Variants in PHACTR4 observed in about 807,000 individuals in gnomAD.
PHACTR4 encodes the protein phosphatase and actin regulator 4.
Under a neutral mutation model 72.7 loss-of-function variants are expected in PHACTR4, and 51 were observed. The observed-to-expected ratio is 0.70, with a 90% CI of 0.56 to 0.89. PHACTR4 has a LOEUF of 0.89. Among genes scored for constraint, PHACTR4 ranks in the 40% least tolerant of loss-of-function variants. The pLI is 0.00. For synonymous variants in PHACTR4, 255 were observed against 302.5 expected, an observed-to-expected ratio of 0.84 and a Z score of 1.63; for missense variants, 731 against 861.8, an observed-to-expected ratio of 0.85 and a Z score of 1.90.
intron 13 of PHACTR4, among the ~76,000 whole-genome samples, chr1:28,496,314 C>T (rs952143383): frequency 2.6e-5 from 4 of 151,842 alleles, no homozygotes; most frequent in African/African-American, 4.8e-5. Flanking sequence ...CCTCGGCCTC[C>T]CAAAGTGCTG....
At chr1:28,428,430 C>T (rs1344215288) in intron 2 of PHACTR4, among the ~76,000 whole-genome samples, 1 of 152,198 alleles carries the variant, frequency 6.6e-6, no homozygotes, top group Non-Finnish European at 1.5e-5. Context: ...GGGATATCCT[C>T]AAGAGCTTAT....
Position 28,489,916 on chromosome 1 carries a change from AG to A in PHACTR4, c.1816+692del, listed in dbSNP as rs779158036. On this transcript the variant is annotated intron_variant, in intron 10 of 13. Transcript: ENST00000373839. The stretch of plus-strand genomic sequence containing the variant: ...TTGGGTATACACAACTTAATAACTT[AG>A]TACATTTTCTAGTGTGGGAGCCCTT... 9 of 518,514 alleles carry A rather than the reference AG, an allele frequency of 1.7e-5. 1 individual carries two copies. Among genetic ancestry groups the A allele is most frequent in the South Asian group, 1.3e-4 (9 of 71,492 alleles). The allele number at this position is 518,514 out of a possible 1,614,324, so 32.1% of individuals were successfully genotyped here. A position where few individuals can be genotyped will look rare whatever the true frequency, so the allele number is the denominator to read the frequency against.
intron 1 of PHACTR4, among the ~76,000 whole-genome samples, chr1:28,406,578 C>T (rs1250555279): frequency 2.6e-5 from 4 of 152,172 alleles, no homozygotes; most frequent in South Asian, 2.1e-4. Context: ...TGAGCCACTG[C>T]GCCCGGCCCT....
At chr1:28,479,130 G>T (rs943794226) in intron 8 of PHACTR4, among the ~76,000 whole-genome samples, 9 of 151,768 alleles carry the variant, frequency 5.9e-5, no homozygotes, top group Non-Finnish European at 1.3e-4. Context: ...GAAAAAATTA[G>T]CCAGGCATGG....
At chr1:28,408,627 C>T (rs1434238160) in intron 2 of PHACTR4, among the ~76,000 whole-genome samples, 19 of 150,186 alleles carry the variant, frequency 1.3e-4, no homozygotes, top group South Asian at 2.1e-4. Context: ...TATATATGTA[C>T]GTGTGTGTGT....
At chr1:28,374,259 A>G (rs1400249361) in intron 1 of PHACTR4, among the ~76,000 whole-genome samples, 1 of 152,224 alleles carries the variant, frequency 6.6e-6, no homozygotes, top group East Asian at 1.9e-4. Flanking sequence ...ACATAAATAC[A>G]ATAGCTTTGG....
At chr1:28,472,707 T>A (rs1224326314) in intron 6 of PHACTR4, among the ~76,000 whole-genome samples, 1 of 151,716 alleles carries the variant, frequency 6.6e-6, no homozygotes, top group East Asian at 1.9e-4. Flanking sequence ...GTTCAAGAGA[T>A]TCTCGTGCCT....
At chr1:28,452,439 T>C (rs369556702) in intron 2 of PHACTR4, among the ~76,000 whole-genome samples, 12 of 151,750 alleles carry the variant, frequency 7.9e-5, no homozygotes, top group East Asian at 5.8e-4. Flanking sequence ...CCACCAGGAG[T>C]TGGAGGCTGC....
chr1:28,461,775 C>T (rs1658822821), intron 4 of PHACTR4, among the ~76,000 whole-genome samples: 2 of 151,824 alleles, frequency 1.3e-5, no homozygotes, highest in South Asian at 4.1e-4. Flanking sequence ...AGCAGTCTTC[C>T]TGCCTCAGCC....
intron 1 of PHACTR4, among the ~76,000 whole-genome samples, chr1:28,401,624 G>C (rs148106871): frequency 6.6e-6 from 1 of 151,940 alleles, no homozygotes; most frequent in African/African-American, 2.4e-5. Flanking sequence ...GTTGTTAATA[G>C]AGGCAGGGTC....
chr1:28,466,900 A>G (rs1388098848), intron 6 of PHACTR4, 132 bp downstream of exon 6: 6 of 1,322,320 alleles, frequency 4.5e-6, no homozygotes, highest in Non-Finnish European at 6.2e-6. Flanking sequence ...AATGACCTCA[A>G]TATGGAGAAA....
intron 13 of PHACTR4, among the ~76,000 whole-genome samples, chr1:28,495,915 C>T (rs986350817): frequency 1.3e-5 from 2 of 151,944 alleles, no homozygotes; most frequent in Non-Finnish European, 2.9e-5. Flanking sequence ...GCCACCGTGA[C>T]TGGCCAAGGA....
intron 1 of PHACTR4, among the ~76,000 whole-genome samples, chr1:28,370,405 G>A (rs956900240): frequency 6.6e-6 from 1 of 151,404 alleles, no homozygotes; most frequent in Non-Finnish European, 1.5e-5. Flanking sequence ...GGAGAGATGA[G>A]ATTAAGGAAA....
rs1168806516 is a variant in PHACTR4, at chr1:28,499,729, G to T, written c.*3180G>T. ...GGGCTCAAGGAATCTGCCCATCTTC[G>T]CCTCCCAAAGTTCTGAGATAGCAGG... On this transcript the variant is annotated 3_prime_UTR_variant, in exon 14 of 14. Coordinates refer to ENST00000373839, the MANE Select transcript of PHACTR4 (RefSeq NM_001048183.3). 1 of 152,036 alleles carries T rather than the reference G, an allele frequency of 6.6e-6. No homozygotes were observed. The highest frequency in any genetic ancestry group is 1.5e-5 in the Non-Finnish European group (1 of 68,048). The allele number at this position is 152,036 out of a possible 1,614,324, so 9.4% of individuals were successfully genotyped here. A position where few individuals can be genotyped will look rare whatever the true frequency, so the allele number is the denominator to read the frequency against.
At chr1:28,392,911 C>T (rs1320099642) in intron 1 of PHACTR4, among the ~76,000 whole-genome samples, 2 of 151,998 alleles carry the variant, frequency 1.3e-5, no homozygotes, top group African/African-American at 4.8e-5. Flanking sequence ...TGTTGTACTC[C>T]ACATTGCAGA....
intron 2 of PHACTR4, among the ~76,000 whole-genome samples, chr1:28,440,413 T>TTTTTTTTTTTA (rs1656936536): frequency 7.8e-6 from 1 of 127,930 alleles, no homozygotes; most frequent in Non-Finnish European, 1.7e-5. Flanking sequence ...TTTTTTTTTT[T>TTTTTTTTTTTA]GAGACGGAGT....
Position 28,379,192 on chromosome 1 carries a change from C to T in PHACTR4, c.-39+9367C>T, listed in dbSNP as rs141552769. Reference sequence around the variant, plus strand: ...CTGGTCTTGAACTCCTAGGCTTAAGCGATCTTCCTGCCTGGGCCTCCCAAA... The same window carrying T: ...CTGGTCTTGAACTCCTAGGCTTAAGTGATCTTCCTGCCTGGGCCTCCCAAA... On this transcript the variant is annotated intron_variant, in intron 1 of 13. Coordinates refer to ENST00000373839, the MANE Select transcript of PHACTR4 (RefSeq NM_001048183.3). Among the ~76,000 whole-genome samples, 30 of 150,296 alleles carry T rather than the reference C, an allele frequency of 2.0e-4. No homozygotes were observed. The South Asian group carries it at 3.0e-3, about 15-fold the overall frequency.
chr1:28,482,498 T>C (rs1390827191), intron 9 of PHACTR4, among the ~76,000 whole-genome samples: 1 of 152,096 alleles, frequency 6.6e-6, no homozygotes, highest in Non-Finnish European at 1.5e-5. Context: ...AGAATCCAGG[T>C]TGTATAGATG....
At chr1:28,469,413 C>T (rs940184296) in intron 6 of PHACTR4, among the ~76,000 whole-genome samples, 5 of 152,148 alleles carry the variant, frequency 3.3e-5, no homozygotes, top group Non-Finnish European at 7.3e-5. Context: ...AATAGCTGAA[C>T]GGGTGAAAGG....
Sources: gnomAD v4.1 joint callset for allele counts (sites outside exome capture counted in the v4.1 genomes callset) on GRCh38, gnomAD v4.1.1 for gene constraint, MANE v1.5 for transcripts, NCBI Gene and HGNC (gene_info 2026-07-23, HGNC 2026-07-21) for gene names.